Variants in PEX5 observed in about 807,000 individuals in gnomAD.
The protein encoded by PEX5 is PTS1 receptor.
In PEX5, 52 loss-of-function variants were observed where a neutral mutation model predicts 82.9. The ratio of observed to expected loss-of-function variants is 0.63; its 90% CI spans 0.50 to 0.79. The LOEUF (loss-of-function observed/expected upper bound fraction) is 0.79, where lower values mean the gene tolerates loss of function less well. Among genes scored for constraint, PEX5 ranks in the 30% least tolerant of loss-of-function variants. PEX5 has a pLI of 0.00. For missense variants in PEX5, 719 were observed against 815.2 expected, an observed-to-expected ratio of 0.88 and a Z score of 1.44; for synonymous variants, 300 against 318.8, an observed-to-expected ratio of 0.94 and a Z score of 0.63.
At chr12:7,193,921 A>G (rs1434704270) in intron 5 of PEX5, among the ~76,000 whole-genome samples, 1 of 152,240 alleles carries the variant, frequency 6.6e-6, no homozygotes, top group Non-Finnish European at 1.5e-5. Context: ...GAGACATGCA[A>G]ACCTTAGAAT....
chr12:7,216,344 T>A (rs1945779457), downstream of PEX5, among the ~76,000 whole-genome samples: 1 of 152,202 alleles, frequency 6.6e-6, no homozygotes, highest in African/African-American at 2.4e-5. Context: ...CAACTTACTT[T>A]ATCTCCAGGG....
chr12:7,191,737 A>G (rs1436240203), intron 5 of PEX5, 37 bp downstream of exon 5: 33 of 1,591,600 alleles, frequency 2.1e-5, no homozygotes, highest in Non-Finnish European at 2.7e-5. Flanking sequence ...ATTGGCTTCT[A>G]TGGGACAGAA....
chr12:7,188,889 G>A (rs938070420), upstream of PEX5: 11 of 152,390 alleles, frequency 7.2e-5, no homozygotes, highest in African/African-American at 2.6e-4. Context: ...GAGGGGGCTT[G>A]AGGCTTAGTC....
chr12:7,214,474 C>A (rs1259173019), downstream of PEX5, among the ~76,000 whole-genome samples: 3 of 148,362 alleles, frequency 2.0e-5, no homozygotes, highest in Non-Finnish European at 4.4e-5. Flanking sequence ...GAACAAAAAA[C>A]CAAACACTGC....
intron 5 of PEX5, among the ~76,000 whole-genome samples, chr12:7,196,253 A>AT (rs201578399): frequency 4.4e-3 from 71 of 16,314 alleles, no homozygotes; most frequent in African/African-American, 5.5e-3. Flanking sequence ...GTCATATTTA[A>AT]TTATATATGT....
At chr12:7,189,805 C>A in intron 1 of PEX5, 55 bp downstream of exon 1, 1 of 799,450 alleles carries the variant, frequency 1.3e-6, no homozygotes, top group Non-Finnish European at 1.8e-6. Context: ...CCTCCCCACC[C>A]TTGCGGTGGC....
At chr12:7,216,233 G>A (rs1288880904), downstream of PEX5, among the ~76,000 whole-genome samples, 1 of 152,192 alleles carries the variant, frequency 6.6e-6, no homozygotes, top group Admixed American at 6.5e-5. Context: ...TTCCCAAAGT[G>A]CTGGGATTAC....
chr12:7,199,965 G>A (rs1328983154), intron 6 of PEX5, among the ~76,000 whole-genome samples: 3 of 123,584 alleles, frequency 2.4e-5, no homozygotes, highest in Non-Finnish European at 3.5e-5. Flanking sequence ...GCGGCTGGCC[G>A]GGCGGGGGGC....
rs1944090170 is a variant in PEX5 at position 7,201,801 on chromosome 12, T to C, written c.602T>C (p.Phe201Ser). The C allele has an allele frequency of 1.2e-6, 2 of 1,614,002 alleles. No homozygotes were observed. The highest frequency in any genetic ancestry group is 4.5e-5 in the East Asian group (2 of 44,884). ...GATCTGCAGCACACGGCCAGTGACTTTGTGGCCAAAGTGGATGACCCCAAA... is the reference window on the plus strand; with the variant it reads ...GATCTGCAGCACACGGCCAGTGACTCTGTGGCCAAAGTGGATGACCCCAAA... ...EEDLQHTASDFVAKVDDPKLA... is the reference protein window; with the variant it reads ...EEDLQHTASDSVAKVDDPKLA... Residue 201 changes from phenylalanine (F) to serine (S), a missense_variant, in exon 7 of 16, where the codon TTT becomes TCT. Coordinates refer to ENST00000675855, the MANE Select transcript of PEX5 (RefSeq NM_001351132.2).
chr12:7,207,041 C>T (rs1944894656), intron 10 of PEX5, among the ~76,000 whole-genome samples: 1 of 152,152 alleles, frequency 6.6e-6, no homozygotes, highest in Non-Finnish European at 1.5e-5. Flanking sequence ...CTGAAGTATT[C>T]TCTGCCATCT....
rs1942556622 is a variant in PEX5 at position 7,197,068 on chromosome 12, A to AATGTAATTATATATGTCAC, written c.449-1940_449-1922dup. 1.6e-4 allele frequency among the ~76,000 whole-genome samples: 8 copies of AATGTAATTATATATGTCAC among 48,926 alleles called. 3 individuals are homozygous for AATGTAATTATATATGTCAC. The Admixed American group carries it at 1.7e-3, about 10-fold the overall frequency. 32.1% of individuals were successfully genotyped at this position (48,926 alleles called of 152,430 possible). The stretch of plus-strand genomic sequence containing the variant: ...TAATGTAATTATATATGTCACATAT[A>AATGTAATTATATATGTCAC]ATGTAATTATATATGTCACATATAA... On this transcript the variant is annotated intron_variant, in intron 5 of 15. Transcript: ENST00000675855.
Position 7,196,577 on chromosome 12 carries a change from AATT to A in PEX5, c.449-2431_449-2429del, listed in dbSNP as rs931111675. On this transcript the variant is annotated intron_variant, in intron 5 of 15. Transcript: ENST00000675855. ...TTATATATGTCACATATAATGTAAT[AATT>A]ATATATGTCACATAATGTAATAATT... Among the ~76,000 whole-genome samples the A allele has an allele frequency of 7.0e-4, 16 of 22,700 alleles. 1 individual carries two copies. Among genetic ancestry groups the A allele is most frequent in the African/African-American group, 1.7e-3 (16 of 9,252 alleles). 14.9% of individuals were successfully genotyped at this position (22,700 alleles called of 152,430 possible).
chr12:7,190,873 GTCTTTCTC>G lies in PEX5; in HGVS notation c.148-10_148-3del. On this transcript the variant is annotated splice_polypyrimidine_tract_variant and splice_region_variant and intron_variant, in intron 2 of 15. Coordinates refer to ENST00000675855, the MANE Select transcript of PEX5 (RefSeq NM_001351132.2). Reference sequence around the variant, plus strand: ...AGGAACTGCGTCATTGTACATCTCTGTCTTTCTCTCTTAGGCCTCCAAGCCTTTGGGAG... The same window carrying G: ...AGGAACTGCGTCATTGTACATCTCTGTCTTAGGCCTCCAAGCCTTTGGGAG... 1 of 1,610,862 alleles carries G rather than the reference GTCTTTCTC, an allele frequency of 6.2e-7. No individual in the cohort carries two copies. The highest frequency in any genetic ancestry group is 2.2e-5 in the East Asian group (1 of 44,878).
chr12:7,216,432 C>T (rs2136296558), downstream of PEX5, among the ~76,000 whole-genome samples: 1 of 152,134 alleles, frequency 6.6e-6, no homozygotes, highest in South Asian at 2.1e-4. Context: ...AGCTGTAATA[C>T]CATGTTTGCA....
At chr12:7,196,063 T>A (rs61917956) in intron 5 of PEX5, among the ~76,000 whole-genome samples, 1 of 145,106 alleles carries the variant, frequency 6.9e-6, no homozygotes, top group Non-Finnish European at 1.5e-5. Context: ...TTTTACATTA[T>A]ATATAATGTA....
downstream of PEX5, among the ~76,000 whole-genome samples, chr12:7,212,479 A>C (rs1393361717): frequency 7.4e-5 from 5 of 67,832 alleles, no homozygotes; most frequent in African/African-American, 2.3e-4. Context: ...AAAAAAAAAA[A>C]AAAAAAAAAC....
chr12:7,210,002 A>G lies in PEX5; in HGVS notation c.1719-20A>G. The G allele has an allele frequency of 6.2e-7, 1 of 1,613,488 alleles. No individual in the cohort carries two copies. Among genetic ancestry groups the G allele is most frequent in the Non-Finnish European group, 8.5e-7 (1 of 1,179,568 alleles). On this transcript the variant is annotated intron_variant, in intron 15 of 15. Transcript: ENST00000675855. The stretch of plus-strand genomic sequence containing the variant: ...ATTGTTGTTCAGCTTAACAGCTCTC[A>G]TTCCTCTTCTTCCTTACAGGGAGGC...
chr12:7,190,278 G>A (rs996997845), intron 1 of PEX5, 84 bp from the exon 2 acceptor site: 2 of 1,594,662 alleles, frequency 1.3e-6, no homozygotes, highest in East Asian at 2.2e-5. Flanking sequence ...ACGCCTGTGT[G>A]CCTTCCTCAG....
At chr12:7,198,962 C>A in intron 5 of PEX5, 49 bp from the exon 6 acceptor site, 1 of 1,030,538 alleles carries the variant, frequency 9.7e-7, no homozygotes, top group Non-Finnish European at 1.5e-6. Flanking sequence ...TTCCTTGATC[C>A]CACACTGAAT....
Sources: gnomAD v4.1 joint callset for allele counts (sites outside exome capture counted in the v4.1 genomes callset) on GRCh38, gnomAD v4.1.1 for gene constraint, MANE v1.5 for transcripts, NCBI Gene and HGNC (gene_info 2026-07-23, HGNC 2026-07-21) for gene names.